Variants in CFAP299 observed in about 807,000 individuals in gnomAD.
The protein encoded by CFAP299 is cilia and flagella associated protein 299, also known as cilia- and flagella-associated protein 299.
A neutral mutation model predicts 27.0 loss-of-function variants in CFAP299; 21 were observed. The ratio of observed to expected loss-of-function variants is 0.78; its 90% CI spans 0.55 to 1.12. The LOEUF is 1.12. Among genes scored for constraint, CFAP299 ranks in the 50% most tolerant of loss-of-function variants. The pLI, the probability that CFAP299 is intolerant of heterozygous loss-of-function variation, is 0.00. For missense variants in CFAP299, 310 were observed against 276.6 expected (o/e 1.12, Z -0.86); for synonymous variants, 104 against 98.1 (o/e 1.06, Z -0.36).
intron 3 of CFAP299, among the ~76,000 whole-genome samples, chr4:80,808,527 T>G (rs1324271240): frequency 1.3e-5 from 2 of 152,122 alleles, no homozygotes; most frequent in Admixed American, 1.3e-4. Flanking sequence ...AATTCTGACC[T>G]AAGGGGAATT....
chr4:80,706,045 C>T (rs545402317), intron 3 of CFAP299, among the ~76,000 whole-genome samples: 45 of 151,840 alleles, frequency 3.0e-4, no homozygotes, highest in African/African-American at 9.9e-4. Flanking sequence ...TTTTTAAATG[C>T]ATACAACCTT....
intron 2 of CFAP299, among the ~76,000 whole-genome samples, chr4:80,433,780 A>G (rs765758334): frequency 6.6e-6 from 1 of 152,190 alleles, no homozygotes; most frequent in Non-Finnish European, 1.5e-5. Context: ...ATTAAAAATT[A>G]TTTGAAGTTA....
chr4:80,794,638 C>T (rs1727751847), intron 3 of CFAP299, among the ~76,000 whole-genome samples: 1 of 152,134 alleles, frequency 6.6e-6, no homozygotes, highest in Non-Finnish European at 1.5e-5. Context: ...ACTTCTTTAG[C>T]TGGAAAGTGA....
At chr4:80,873,475 C>T (rs1199515990) in intron 4 of CFAP299, among the ~76,000 whole-genome samples, 1 of 152,180 alleles carries the variant, frequency 6.6e-6, no homozygotes, top group Non-Finnish European at 1.5e-5. Flanking sequence ...TTCTTTTTGA[C>T]ACACTTGTGA....
intron 3 of CFAP299, among the ~76,000 whole-genome samples, chr4:80,660,161 T>G (rs1216863881): frequency 6.6e-6 from 1 of 152,132 alleles, no homozygotes. Context: ...ATATGGATAG[T>G]AGAACAGACA....
intron 3 of CFAP299, among the ~76,000 whole-genome samples, chr4:80,752,034 G>C (rs569563411): frequency 6.6e-6 from 1 of 152,268 alleles, no homozygotes; most frequent in African/African-American, 2.4e-5. Flanking sequence ...CAGACCCAAT[G>C]CCCTGGTGGC....
intron 1 of CFAP299, among the ~76,000 whole-genome samples, chr4:80,360,238 G>A (rs527947856): frequency 6.6e-6 from 1 of 152,190 alleles, no homozygotes; most frequent in Non-Finnish European, 1.5e-5. Context: ...ACAGCAGAGT[G>A]GTAGCAGGTG....
chr4:80,355,786 TTGTC>T (rs1384720872), intron 1 of CFAP299, among the ~76,000 whole-genome samples: 2 of 152,182 alleles, frequency 1.3e-5, no homozygotes, highest in Non-Finnish European at 2.9e-5. Context: ...ATTCTATAGG[TTGTC>T]TGTTTGCTCT....
intron 4 of CFAP299, among the ~76,000 whole-genome samples, chr4:80,934,541 T>A (rs7666537): frequency 7.0e-6 from 1 of 142,850 alleles, no homozygotes; most frequent in African/African-American, 2.5e-5. Flanking sequence ...TTTTCTAAGC[T>A]TTTTTTTTTC....
intron 3 of CFAP299, among the ~76,000 whole-genome samples, chr4:80,742,480 G>A (rs966808380): frequency 1.3e-5 from 2 of 152,116 alleles, no homozygotes; most frequent in Non-Finnish European, 2.9e-5. Flanking sequence ...CCTCACAGAG[G>A]TTATATTCCA....
At chr4:80,817,867 C>T (rs561893559) in intron 3 of CFAP299, among the ~76,000 whole-genome samples, 55 of 151,214 alleles carry the variant, frequency 3.6e-4, no homozygotes, top group African/African-American at 1.2e-3. Flanking sequence ...TTCAGAGGTA[C>T]ATGTGCAGGA....
intron 4 of CFAP299, chr4:80,872,912 G>GTTC (rs201374253): frequency 2.1e-6 from 2 of 946,292 alleles, no homozygotes; most frequent in Non-Finnish European, 1.2e-6. Flanking sequence ...TCTGTGTGTA[G>GTTC]TTCTTCTTCT....
chr4:80,719,775 A>C lies in CFAP299; in HGVS notation c.333+136592A>C, dbSNP rs551720190. Among the ~76,000 whole-genome samples the C allele has an allele frequency of 4.5e-4, 69 of 152,258 alleles. No homozygotes were observed. The South Asian group carries it at 0.014, about 31-fold the overall frequency. On this transcript the variant is annotated intron_variant, in intron 3 of 5. Transcript: ENST00000358105. ...TGTGAGATGTCTTGTCCAGCTCACC[A>C]TCTTGTCCAGCCTACCATCACTGTA...
chr4:80,570,002 A>G (rs1422602622), intron 2 of CFAP299, among the ~76,000 whole-genome samples: 1 of 151,782 alleles, frequency 6.6e-6, no homozygotes, highest in African/African-American at 2.4e-5. Flanking sequence ...TGAAAAAGAA[A>G]GGATAAGAGT....
chr4:80,915,020 G>A (rs547612232), intron 4 of CFAP299, among the ~76,000 whole-genome samples: 5 of 151,606 alleles, frequency 3.3e-5, no homozygotes, highest in African/African-American at 1.2e-4. Context: ...TTATTGAATT[G>A]TGGCCATTTT....
chr4:80,613,803 C>T (rs983499889), intron 3 of CFAP299, among the ~76,000 whole-genome samples: 6 of 152,176 alleles, frequency 3.9e-5, no homozygotes, highest in Non-Finnish European at 8.8e-5. Context: ...CTACAACTGA[C>T]TGTATTTCAC....
chr4:80,852,615 T>C (rs536792573), intron 3 of CFAP299, among the ~76,000 whole-genome samples: 1 of 152,330 alleles, frequency 6.6e-6, no homozygotes, highest in African/African-American at 2.4e-5. Flanking sequence ...TGACACTGCA[T>C]TCTATTCAAG....
chr4:80,359,200 A>T (rs1433876224), intron 1 of CFAP299, among the ~76,000 whole-genome samples: 3 of 152,088 alleles, frequency 2.0e-5, no homozygotes, highest in African/African-American at 7.2e-5. Context: ...TGTTAGTCTG[A>T]TAGATTTACC....
At chr4:80,516,037 T>G (rs541336332) in intron 2 of CFAP299, among the ~76,000 whole-genome samples, 1,976 of 137,278 alleles carry the variant, frequency 0.014, 38 homozygotes, top group African/African-American at 0.051. Flanking sequence ...TTTTTTTTTT[T>G]GAGACGGAGT....
Sources: gnomAD v4.1 joint callset for allele counts (sites outside exome capture counted in the v4.1 genomes callset) on GRCh38, gnomAD v4.1.1 for gene constraint, MANE v1.5 for transcripts, NCBI Gene and HGNC (gene_info 2026-07-23, HGNC 2026-07-21) for gene names.